Variants in RBFOX1 observed in about 807,000 individuals in gnomAD.
The protein encoded by RBFOX1 is RNA binding fox-1 homolog 1.
RBFOX1 carries 8 observed loss-of-function variants against 57.7 expected under a neutral mutation model. The ratio of observed to expected loss-of-function variants is 0.14; its 90% CI spans 0.08 to 0.25. The LOEUF (loss-of-function observed/expected upper bound fraction) is 0.25, where lower values mean the gene tolerates loss of function less well. Among genes scored for constraint, RBFOX1 ranks in the 10% least tolerant of loss-of-function variants. RBFOX1 has a pLI of 1.00. For missense variants in RBFOX1, 611 were observed against 548.5 expected (o/e 1.11, Z -1.14); for synonymous variants, 326 against 222.4 (o/e 1.47, Z -4.15).
intron 3 of RBFOX1, among the ~76,000 whole-genome samples, chr16:5,822,296 G>T: frequency 6.6e-6 from 1 of 152,120 alleles, no homozygotes; most frequent in South Asian, 2.1e-4. Flanking sequence ...ATAGGGAGAG[G>T]GGCAAGGGAT....
chr16:5,753,942 C>T (rs1366002473), intron 3 of RBFOX1, among the ~76,000 whole-genome samples: 1 of 152,124 alleles, frequency 6.6e-6, no homozygotes, highest in African/African-American at 2.4e-5. Flanking sequence ...CCCCACTCCT[C>T]TCTAGGTATT....
intron 3 of RBFOX1, among the ~76,000 whole-genome samples, chr16:6,879,432 C>A (rs1035504470): frequency 6.6e-6 from 1 of 152,134 alleles, no homozygotes; most frequent in Admixed American, 6.5e-5. Context: ...TTTCCCTTTA[C>A]TTTAAAAACT....
At chr16:5,465,061 C>G (rs1372474587) in intron 1 of RBFOX1, among the ~76,000 whole-genome samples, 1 of 152,186 alleles carries the variant, frequency 6.6e-6, no homozygotes, top group Non-Finnish European at 1.5e-5. Context: ...AAAGCCATAT[C>G]TGCCTGGGTG....
intron 3 of RBFOX1, among the ~76,000 whole-genome samples, chr16:5,704,679 A>AG (rs1293962975): frequency 6.6e-6 from 1 of 152,104 alleles, no homozygotes; most frequent in East Asian, 1.9e-4. Context: ...TGACATTCTG[A>AG]GGTGGCTAGG....
chr16:6,409,606 A>G (rs2093393924), intron 2 of RBFOX1, among the ~76,000 whole-genome samples: 1 of 152,196 alleles, frequency 6.6e-6, no homozygotes, highest in South Asian at 2.1e-4. Context: ...GATTTAAAAT[A>G]CCCTGTGAAA....
At chr16:5,701,475 GA>G (rs751690996) in intron 3 of RBFOX1, among the ~76,000 whole-genome samples, 1 of 51,398 alleles carries the variant, frequency 1.9e-5, no homozygotes, top group African/African-American at 3.0e-5. Flanking sequence ...AAGGATGGAA[GA>G]TTTTTTTTTT....
intron 14 of RBFOX1, among the ~76,000 whole-genome samples, chr16:7,697,262 G>A (rs148158818): frequency 7.9e-5 from 12 of 152,208 alleles, no homozygotes; most frequent in African/African-American, 2.9e-4. Context: ...TATTTTGATG[G>A]GAGAACAAAC....
chr16:6,426,123 TCTTA>T (rs1567244343), intron 2 of RBFOX1, among the ~76,000 whole-genome samples: 3 of 152,056 alleles, frequency 2.0e-5, no homozygotes, highest in Non-Finnish European at 4.4e-5. Flanking sequence ...ATTGTCTCTC[TCTTA>T]TTCTCTCTCT....
intron 3 of RBFOX1, among the ~76,000 whole-genome samples, chr16:6,755,971 A>G (rs2075722058): frequency 6.6e-6 from 1 of 152,190 alleles, no homozygotes; most frequent in Non-Finnish European, 1.5e-5. Context: ...CCAGTTTCAA[A>G]TTGCTAGCTG....
chr16:6,060,158 T>TTTTTTTTTTTTTTTTTTTA (rs2095667069), intron 1 of RBFOX1, among the ~76,000 whole-genome samples: 2 of 117,470 alleles, frequency 1.7e-5, no homozygotes, highest in Non-Finnish European at 3.5e-5. Flanking sequence ...TTTTTTTTTT[T>TTTTTTTTTTTTTTTTTTTA]ACGTATAACA....
intron 4 of RBFOX1, among the ~76,000 whole-genome samples, chr16:7,142,528 C>G (rs906067240): frequency 2.0e-5 from 3 of 152,170 alleles, no homozygotes; most frequent in Admixed American, 1.3e-4. Flanking sequence ...CTTCCCTATA[C>G]TGTTCTCCGC....
chr16:5,583,002 C>G (rs1051667991), intron 2 of RBFOX1, among the ~76,000 whole-genome samples: 34 of 152,188 alleles, frequency 2.2e-4, no homozygotes, highest in African/African-American at 8.0e-4. Flanking sequence ...TAACTTCTCA[C>G]TCTGTCCTCT....
intron 2 of RBFOX1, among the ~76,000 whole-genome samples, chr16:6,551,553 G>T (rs114429102): frequency 0.043 from 6,528 of 152,252 alleles, 278 homozygotes; most frequent in African/African-American, 0.11. Flanking sequence ...CATTCATCAA[G>T]TGATAATATT....
chr16:7,059,980 G>C (rs558640526), intron 4 of RBFOX1, among the ~76,000 whole-genome samples: 1 of 152,270 alleles, frequency 6.6e-6, no homozygotes, highest in African/African-American at 2.4e-5. Flanking sequence ...TGGGTGAGAA[G>C]ACTGTAAAAT....
chr16:6,807,104 G>C (rs1188760827), intron 3 of RBFOX1, among the ~76,000 whole-genome samples: 3 of 151,790 alleles, frequency 2.0e-5, no homozygotes, highest in Admixed American at 1.3e-4. Flanking sequence ...AAAGTGCTGG[G>C]ATTACAGGTG....
At chr16:5,492,424 A>G (rs1185013366) in intron 2 of RBFOX1, among the ~76,000 whole-genome samples, 1 of 152,224 alleles carries the variant, frequency 6.6e-6, no homozygotes, top group African/African-American at 2.4e-5. Context: ...AGTTGGAGAT[A>G]CAAAGACACA....
At chr16:5,933,805 T>C (rs1278696652) in intron 4 of RBFOX1, among the ~76,000 whole-genome samples, 1 of 151,520 alleles carries the variant, frequency 6.6e-6, no homozygotes, top group Non-Finnish European at 1.5e-5. Context: ...TTTTAACTTA[T>C]ATTTTAGGCT....
chr16:6,462,174 A>T (rs1179564424), intron 2 of RBFOX1, among the ~76,000 whole-genome samples: 2 of 152,182 alleles, frequency 1.3e-5, no homozygotes, highest in East Asian at 3.8e-4. Flanking sequence ...TTAACCCAAC[A>T]CAGAACTCTT....
chr16:5,709,299 C>G (rs940395483), intron 3 of RBFOX1, among the ~76,000 whole-genome samples: 1 of 152,124 alleles, frequency 6.6e-6, no homozygotes, highest in Non-Finnish European at 1.5e-5. Flanking sequence ...TTCCACAAAG[C>G]TCTGTTCTGT....
Sources: allele counts gnomAD v4.1 joint callset (sites outside exome capture counted in the v4.1 genomes callset), GRCh38; gene constraint gnomAD v4.1.1; transcripts MANE v1.5; gene names NCBI Gene and HGNC (gene_info 2026-07-23, HGNC 2026-07-21).